The following LETMD1 variants were observed in gnomAD, a reference collection of about 807,000 sequenced individuals.
LETMD1 encodes the protein LETM1 domain containing 1, also known as LETM1 domain-containing protein 1.
In LETMD1, 30 loss-of-function variants were observed where a neutral mutation model predicts 43.9. The ratio of observed to expected loss-of-function variants is 0.68; its 90% CI spans 0.51 to 0.93. The LOEUF is 0.93. Among genes scored for constraint, LETMD1 ranks in the 40% least tolerant of loss-of-function variants. The pLI, the probability that LETMD1 is intolerant of heterozygous loss-of-function variation, is 0.00. For missense variants in LETMD1, 413 were observed against 447.7 expected, an observed-to-expected ratio of 0.92 and a Z score of 0.70; for synonymous variants, 176 against 163.1, an observed-to-expected ratio of 1.08 and a Z score of -0.60.
chr12:51,061,855 T>TTTTC, downstream of LETMD1: 1 of 152,174 alleles, frequency 6.6e-6, no homozygotes, highest in Non-Finnish European at 1.5e-5. Context: ...AAAAAGATTC[T>TTTTC]TTTCTCCATA....
At chr12:51,052,763 A>G (rs1435842432) in intron 3 of LETMD1, among the ~76,000 whole-genome samples, 1 of 151,724 alleles carries the variant, frequency 6.6e-6, no homozygotes, top group African/African-American at 2.4e-5. Flanking sequence ...CCTGGGTGAC[A>G]GGGCAAGACT....
downstream of LETMD1, chr12:51,063,957 T>C (rs752667020): frequency 7.4e-6 from 12 of 1,612,926 alleles, no homozygotes; most frequent in Non-Finnish European, 1.0e-5. Context: ...TTTCCCCACC[T>C]CTGATTTACA....
downstream of LETMD1, chr12:51,064,640 G>A (rs573755995): frequency 9.8e-6 from 15 of 1,531,858 alleles, no homozygotes; most frequent in South Asian, 1.8e-4. Context: ...CATCCCGGGA[G>A]CAGCCACATG....
At chr12:51,057,748 C>T in intron 7 of LETMD1, 2 of 391,660 alleles carry the variant, frequency 5.1e-6, no homozygotes, top group East Asian at 6.0e-5. Context: ...GCCTCAGCCT[C>T]CCGAGTAGCT....
chr12:51,048,486 A>G lies in LETMD1; in HGVS notation c.122+8A>G. Reference sequence around the variant, plus strand: ...GGCTTGGGGGGCCCCTCGGTGAGGGACCTGTAGCGAGAAAAGCATTTTTGA... The same window carrying G: ...GGCTTGGGGGGCCCCTCGGTGAGGGGCCTGTAGCGAGAAAAGCATTTTTGA... On this transcript the variant is annotated splice_region_variant and intron_variant, in intron 1 of 8. Coordinates refer to ENST00000262055, the MANE Select transcript of LETMD1 (RefSeq NM_015416.5). The G allele has an allele frequency of 6.2e-7, 1 of 1,612,458 alleles. No individual in the cohort carries two copies. Among genetic ancestry groups the G allele is most frequent in the Non-Finnish European group, 8.5e-7 (1 of 1,179,974 alleles).
At chr12:51,059,205 C>T in intron 8 of LETMD1, 156 bp from the exon 9 acceptor site, 3 of 632,056 alleles carry the variant, frequency 4.7e-6, no homozygotes, top group South Asian at 1.8e-5. Context: ...GGCATGCATA[C>T]AGGGGCTGAA....
At chr12:51,061,949 T>G (rs1393175990), downstream of LETMD1, 3 of 152,168 alleles carry the variant, frequency 2.0e-5, no homozygotes, top group Non-Finnish European at 1.5e-5. Context: ...TCTGGGTAGC[T>G]TCGAGAGCTC....
At chr12:51,056,654 T>A in intron 7 of LETMD1, 152 bp downstream of exon 7, 2 of 567,768 alleles carry the variant, frequency 3.5e-6, no homozygotes, top group East Asian at 6.7e-5. Flanking sequence ...TGATTTATTT[T>A]TATTTATTTA....
intron 8 of LETMD1, chr12:51,058,922 AAC>A (rs1251895051): frequency 1.0e-5 from 2 of 191,290 alleles, no homozygotes; most frequent in South Asian, 1.0e-4. Flanking sequence ...TCAGAAAAAA[AAC>A]AGTCTGCTGA....
In LETMD1 at chr12:51,048,374, G is replaced by A. The variant is rs1254636468; in HGVS notation, c.18G>A (p.Val6=). MALSR[V]CWARSAVWGS... ...CTGTGAAGATGGCGCTCTCCAGGGT[G>A]TGCTGGGCTCGGTCGGCTGTGTGGG... The change falls in exon 1 of 9, where the codon GTG becomes GTA. Residue 6 remains valine (V), a synonymous_variant. Coordinates refer to ENST00000262055, the MANE Select transcript of LETMD1 (RefSeq NM_015416.5). 1.2e-6 allele frequency: 2 copies of A among 1,614,154 alleles called. No homozygotes were observed. Among genetic ancestry groups the A allele is most frequent in the South Asian group, 1.1e-5 (1 of 91,078 alleles).
At position 51,049,079 on chromosome 12, in the gene LETMD1, G is replaced by A; in HGVS notation, c.168G>A (p.Leu56=). 2 of 1,614,006 alleles carry A rather than the reference G, an allele frequency of 1.2e-6. No homozygotes were observed. Among genetic ancestry groups the A allele is most frequent in the South Asian group, 1.1e-5 (1 of 91,068 alleles). The change falls in exon 2 of 9, where the codon TTG becomes TTA. Residue 56 remains leucine (L), a synonymous_variant. Coordinates refer to ENST00000262055, the MANE Select transcript of LETMD1 (RefSeq NM_015416.5). ...HLSPKADVKN[L]MSYVVTKTKA... The stretch of plus-strand genomic sequence containing the variant: ...CTCCAAAGGCAGATGTGAAGAACTT[G>A]ATGTCTTATGTGGTAACCAAGACAA...
chr12:51,048,495 G>T lies in LETMD1; in HGVS notation c.122+17G>T. 6.2e-7 allele frequency: 1 copy of T among 1,611,608 alleles called. No homozygotes were observed. The highest frequency in any genetic ancestry group is 8.5e-7 in the Non-Finnish European group (1 of 1,179,934). On this transcript the variant is annotated intron_variant, in intron 1 of 8. Coordinates refer to ENST00000262055, the MANE Select transcript of LETMD1 (RefSeq NM_015416.5). ...GGCCCCTCGGTGAGGGACCTGTAGC[G>T]AGAAAAGCATTTTTGACGTCCAGGC...
the LETMD1 span, among the ~76,000 whole-genome samples, chr12:51,066,128 C>T: frequency 2.0e-5 from 3 of 151,572 alleles, no homozygotes; most frequent in Admixed American, 6.6e-5. Context: ...GAGACCTGCC[C>T]GGCCAACATG....
intron 2 of LETMD1, among the ~76,000 whole-genome samples, chr12:51,049,796 G>A (rs539696874): frequency 6.6e-6 from 1 of 152,324 alleles, no homozygotes; most frequent in East Asian, 1.9e-4. Context: ...TAAAATGGGA[G>A]TAATGGAACC....
intron 4 of LETMD1, 82 bp from the exon 5 acceptor site, chr12:51,055,753 C>T (rs986943720): frequency 2.2e-5 from 18 of 805,114 alleles, no homozygotes; most frequent in Non-Finnish European, 3.3e-5. Flanking sequence ...TCCTAGTATT[C>T]ATGTCTACCA....
downstream of LETMD1, among the ~76,000 whole-genome samples, chr12:51,065,036 C>T (rs184206682): frequency 3.9e-5 from 6 of 152,276 alleles, no homozygotes; most frequent in Admixed American, 2.6e-4. Context: ...AGGAAATTTA[C>T]GAGCCTCAGA....
intron 8 of LETMD1, chr12:51,058,767 C>T (rs1206291116): frequency 1.2e-5 from 2 of 160,616 alleles, no homozygotes; most frequent in African/African-American, 2.4e-5. Context: ...TCCCTAGCCT[C>T]TACCCACTAG....
At position 51,060,121 on chromosome 12, in the gene LETMD1, C is replaced by T. The variant is rs948900308; in HGVS notation, c.*690C>T. 2 of 152,818 alleles carry T rather than the reference C, an allele frequency of 1.3e-5. No homozygotes were observed. The highest frequency in any genetic ancestry group is 6.5e-5 in the Admixed American group (1 of 15,310). 9.5% of individuals were successfully genotyped at this position (152,818 alleles called of 1,614,324 possible). On this transcript the variant is annotated 3_prime_UTR_variant, in exon 9 of 9. Transcript: ENST00000262055. The stretch of plus-strand genomic sequence containing the variant: ...CTCAATGTTTCTAGCCTTCACTCTC[C>T]ATTGTCTTTTCTGGGCTGTATTACA...
chr12:51,059,401 C>T lies in LETMD1; in HGVS notation c.1053C>T (p.Leu351=). Residue 351 remains leucine (L), a synonymous_variant, in exon 9 of 9, where the codon CTC becomes CTT. Coordinates refer to ENST00000262055, the MANE Select transcript of LETMD1 (RefSeq NM_015416.5). The stretch of plus-strand genomic sequence containing the variant: ...TCTTGCTGCACAACGTGGTCCTGCT[C>T]TCCACCAACTACCTTGGGACAAGGC... ...LSLLLHNVVL[L]STNYLGTRR The T allele has an allele frequency of 6.2e-7, 1 of 1,614,234 alleles. No individual in the cohort carries two copies. The highest frequency in any genetic ancestry group is 8.5e-7 in the Non-Finnish European group (1 of 1,180,030).
Sources: allele counts gnomAD v4.1 joint callset (sites outside exome capture counted in the v4.1 genomes callset), GRCh38; gene constraint gnomAD v4.1.1; transcripts MANE v1.5; gene names NCBI Gene and HGNC (gene_info 2026-07-23, HGNC 2026-07-21).